Variants in FSD2 observed in about 807,000 individuals in gnomAD.
FSD2 encodes the protein fibronectin type III and SPRY domain containing 2.
FSD2 carries 71 observed loss-of-function variants against 80.4 expected under a neutral mutation model. The observed-to-expected ratio is 0.88, with a 90% CI of 0.73 to 1.08. The LOEUF (loss-of-function observed/expected upper bound fraction) is 1.08, where lower values mean the gene tolerates loss of function less well. Ranked by LOEUF, FSD2 falls within the 50% of genes least tolerant of loss-of-function variation. The pLI, the probability that FSD2 is intolerant of heterozygous loss-of-function variation, is 0.00. For synonymous variants in FSD2, 361 were observed against 329.5 expected (o/e 1.10, Z -1.03); for missense variants, 923 against 913.8 (o/e 1.01, Z -0.13).
chr15:82,765,827 C>A, intron 10 of FSD2, 71 bp downstream of exon 10: 2 of 1,503,700 alleles, frequency 1.3e-6, no homozygotes, highest in South Asian at 1.4e-5. Flanking sequence ...CCAGTGAAGT[C>A]ATAGCAGCAC....
intron 9 of FSD2, among the ~76,000 whole-genome samples, chr15:82,766,976 C>T (rs552657107): frequency 1.8e-4 from 27 of 152,282 alleles, no homozygotes; most frequent in African/African-American, 6.3e-4. Context: ...GCCCATTTAC[C>T]AATACAACAC....
chr15:82,791,005 G>T (rs1484152930), intron 1 of FSD2, among the ~76,000 whole-genome samples: 1 of 151,628 alleles, frequency 6.6e-6, no homozygotes, highest in Non-Finnish European at 1.5e-5. Context: ...TTTTGTTGTT[G>T]TTGCTTTTTT....
At chr15:82,780,648 T>C (rs1359130692) in intron 4 of FSD2, among the ~76,000 whole-genome samples, 2 of 151,798 alleles carry the variant, frequency 1.3e-5, no homozygotes, top group Non-Finnish European at 2.9e-5. Context: ...TAAATTTCTT[T>C]TACCAACATA....
At chr15:82,793,160 A>G (rs1378578807) in intron 1 of FSD2, among the ~76,000 whole-genome samples, 1 of 152,064 alleles carries the variant, frequency 6.6e-6, no homozygotes, top group African/African-American at 2.4e-5. Context: ...CAGTGGCACA[A>G]TCTCGGCTCA....
chr15:82,761,926 A>AAAGCTGCTCTT (rs1379316107), intron 12 of FSD2, among the ~76,000 whole-genome samples, 176 bp downstream of exon 12: 1 of 152,220 alleles, frequency 6.6e-6, no homozygotes, highest in African/African-American at 2.4e-5. Flanking sequence ...TAGTTGAAGA[A>AAAGCTGCTCTT]AAGCTGCTCT....
chr15:82,778,027 T>C (rs2049754506), intron 6 of FSD2, among the ~76,000 whole-genome samples: 1 of 148,536 alleles, frequency 6.7e-6, no homozygotes, highest in Non-Finnish European at 1.5e-5. Context: ...TTCTAACTAC[T>C]CAGGAGGCTG....
rs1160227228 is a variant in FSD2, at chr15:82,762,146, T to G, written c.1953A>C (p.Ala651=). 8 of 1,611,326 alleles carry G rather than the reference T, an allele frequency of 5.0e-6. No homozygotes were observed. In the South Asian group the frequency reaches 8.8e-5, roughly 18 times the overall value. The part of the protein sequence containing the change: ...ADVRKQEDLG[A]NCLSWCMRHT... ...GCCTCATGCACCAGGAGAGGCAATT[T>G]GCTCCCAGATCCTCCTGTTTACGGA... is the stretch of plus-strand genomic sequence containing the variant. Residue 651 remains alanine, a synonymous_variant, in exon 12 of 13, where the codon GCA becomes GCC. Coordinates refer to ENST00000334574, the MANE Select transcript of FSD2 (RefSeq NM_001007122.4).
chr15:82,755,736 T>G lies in FSD2; in HGVS notation c.*3612A>C, dbSNP rs2049161841. On this transcript the variant is annotated 3_prime_UTR_variant, in exon 13 of 13. Transcript: ENST00000334574. Reference sequence around the variant, plus strand: ...ATAGTCATACTCCTTCCAGGAGACTTCCTGATGACAGAAAAGATGCTGACC... The same window carrying G: ...ATAGTCATACTCCTTCCAGGAGACTGCCTGATGACAGAAAAGATGCTGACC... 1 of 220,068 alleles carries G rather than the reference T, an allele frequency of 4.5e-6. No homozygotes were observed. Among genetic ancestry groups the G allele is most frequent in the Admixed American group, 5.4e-5 (1 of 18,650 alleles). 13.6% of individuals were successfully genotyped at this position (220,068 alleles called of 1,614,324 possible). A position where few individuals can be genotyped will look rare whatever the true frequency, so the allele number is the denominator to read the frequency against.
intron 1 of FSD2, among the ~76,000 whole-genome samples, chr15:82,803,702 C>T (rs915033104): frequency 6.6e-6 from 1 of 152,142 alleles, no homozygotes; most frequent in South Asian, 2.1e-4. Flanking sequence ...ACCAGAAGCT[C>T]ATCCTTGACA....
At chr15:82,805,077 T>G (rs1248131553) in intron 1 of FSD2, among the ~76,000 whole-genome samples, 1 of 152,056 alleles carries the variant, frequency 6.6e-6, no homozygotes, top group Admixed American at 6.6e-5. Context: ...ATAAAAAAGA[T>G]GTTTGTCTAA....
At chr15:82,779,200 C>G (rs2151508912) in intron 5 of FSD2, among the ~76,000 whole-genome samples, 1 of 152,246 alleles carries the variant, frequency 6.6e-6, no homozygotes, top group Admixed American at 6.5e-5. Context: ...AGGTGCTAAC[C>G]TGGGAGTTCC....
In FSD2 at chr15:82,756,149, G is replaced by A. The variant is rs1341840156; in HGVS notation, c.*3199C>T. On this transcript the variant is annotated 3_prime_UTR_variant, in exon 13 of 13. Coordinates refer to ENST00000334574, the MANE Select transcript of FSD2 (RefSeq NM_001007122.4). ...GATGAGAAAACTGGAGAAAGACATA[G>A]TGAACATGTGAGAATCTTGCTCTAC... 2 of 337,452 alleles carry A rather than the reference G, an allele frequency of 5.9e-6. No individual in the cohort carries two copies. Among genetic ancestry groups the A allele is most frequent in the Non-Finnish European group, 1.2e-5 (2 of 165,514 alleles). 20.9% of individuals were successfully genotyped at this position (337,452 alleles called of 1,614,324 possible).
intron 1 of FSD2, among the ~76,000 whole-genome samples, chr15:82,796,000 CTTTTTTTTT>C (rs143711664): frequency 8.5e-6 from 1 of 117,504 alleles, no homozygotes; most frequent in Admixed American, 9.5e-5. Flanking sequence ...TTTTTCTTTT[CTTTTTTTTT>C]TTTTTTTTTT....
intron 3 of FSD2, among the ~76,000 whole-genome samples, chr15:82,784,632 C>T (rs1474553371): frequency 6.6e-6 from 1 of 152,186 alleles, no homozygotes; most frequent in Admixed American, 6.5e-5. Context: ...TTTGCCACTT[C>T]TCTGTATCTT....
chr15:82,793,299 C>T (rs955881413), intron 1 of FSD2, among the ~76,000 whole-genome samples: 2 of 151,736 alleles, frequency 1.3e-5, no homozygotes, highest in African/African-American at 4.8e-5. Context: ...CGGGGTTTCA[C>T]CATGTTGGCC....
At chr15:82,774,790 C>T (rs2049673240) in intron 6 of FSD2, among the ~76,000 whole-genome samples, 1 of 151,056 alleles carries the variant, frequency 6.6e-6, no homozygotes, top group African/African-American at 2.4e-5. Context: ...GGTGCGATCT[C>T]GGCTCACCAC....
At chr15:82,791,899 G>C (rs1272360086) in intron 1 of FSD2, among the ~76,000 whole-genome samples, 1 of 152,192 alleles carries the variant, frequency 6.6e-6, no homozygotes, top group Admixed American at 6.5e-5. Context: ...CCATGTCGTA[G>C]CATGTATCAG....
intron 1 of FSD2, among the ~76,000 whole-genome samples, chr15:82,794,730 T>C (rs986346522): frequency 2.0e-5 from 3 of 150,572 alleles, no homozygotes; most frequent in African/African-American, 7.3e-5. Flanking sequence ...TCTTTTCTTT[T>C]TTTTTTTTTT....
chr15:82,781,664 T>A (rs930986397), intron 4 of FSD2, among the ~76,000 whole-genome samples: 1 of 152,204 alleles, frequency 6.6e-6, no homozygotes, highest in Non-Finnish European at 1.5e-5. Context: ...GTAAGATTTT[T>A]AATTGCTACA....
Sources: allele counts gnomAD v4.1 joint callset (sites outside exome capture counted in the v4.1 genomes callset), GRCh38; gene constraint gnomAD v4.1.1; transcripts MANE v1.5; gene names NCBI Gene and HGNC (gene_info 2026-07-23, HGNC 2026-07-21).